The following OSBP2 variants were observed in gnomAD, a reference collection of about 807,000 sequenced individuals.
The protein encoded by OSBP2 is oxysterol-binding protein 2.
OSBP2 carries 66 observed loss-of-function variants against 96.0 expected under a neutral mutation model. That is an observed-to-expected ratio of 0.69 (90% CI 0.56 to 0.84). OSBP2 has a LOEUF of 0.84. Ranked by LOEUF, OSBP2 falls within the 40% of genes least tolerant of loss-of-function variation. The pLI is 0.00. For missense variants in OSBP2, 1,038 were observed against 1,222.7 expected, an observed-to-expected ratio of 0.85 and a Z score of 2.25; for synonymous variants, 525 against 520.9, an observed-to-expected ratio of 1.01 and a Z score of -0.11.
In OSBP2 at chr22:30,887,558, G is replaced by A. The variant is rs895865094; in HGVS notation, c.1240G>A (p.Glu414Lys). The A allele has an allele frequency of 5.0e-6, 8 of 1,613,036 alleles. No individual in the cohort carries two copies. Among genetic ancestry groups the A allele is most frequent in the African/African-American group, 2.7e-5 (2 of 74,910 alleles). ...GCTGGCGAAGCAGCACAACAGCCTC[G>A]AGCGGGCCTTCCACAGTGCCCCTGG... ...EQLAKQHNSL[E>K]RAFHSAPGRP... The change falls in exon 4 of 14, where the codon GAG (glutamate) becomes AAG (lysine). Residue 414 changes from glutamate to lysine, a missense_variant. Coordinates refer to ENST00000332585, the MANE Select transcript of OSBP2 (RefSeq NM_030758.4).
intron 1 of OSBP2, among the ~76,000 whole-genome samples, chr22:30,697,804 G>A (rs1032613009): frequency 6.6e-6 from 1 of 152,136 alleles, no homozygotes; most frequent in African/African-American, 2.4e-5. Flanking sequence ...TATAATGAAC[G>A]ATTCCTGACA....
intron 2 of OSBP2, among the ~76,000 whole-genome samples, chr22:30,825,082 A>G (rs1397010569): frequency 1.3e-5 from 2 of 152,222 alleles, no homozygotes; most frequent in Admixed American, 6.5e-5. Context: ...TAAGCATGTG[A>G]GGAGCCCTGG....
chr22:30,855,541 G>C (rs937490897), intron 2 of OSBP2, among the ~76,000 whole-genome samples: 8 of 152,182 alleles, frequency 5.3e-5, no homozygotes, highest in Non-Finnish European at 7.3e-5. Context: ...TGCTGCACAG[G>C]TCTCTGTCTT....
intron 8 of OSBP2, among the ~76,000 whole-genome samples, chr22:30,892,607 G>A (rs754547546): frequency 6.6e-6 from 1 of 152,126 alleles, no homozygotes. Flanking sequence ...AGCAAGGCAG[G>A]GGAGGGCCGG....
chr22:30,905,606 T>G (rs752333303), intron 12 of OSBP2, among the ~76,000 whole-genome samples: 10 of 152,174 alleles, frequency 6.6e-5, no homozygotes, highest in Non-Finnish European at 1.3e-4. Flanking sequence ...AGCGGCAGGT[T>G]GGCCATGTGA....
At chr22:30,756,307 C>G (rs1014948179) in intron 2 of OSBP2, among the ~76,000 whole-genome samples, 47 of 152,206 alleles carry the variant, frequency 3.1e-4, no homozygotes, top group Non-Finnish European at 8.8e-5. Context: ...AGGCACTAGA[C>G]AGGTTGGGCC....
chr22:30,770,496 A>G (rs1178524280), intron 2 of OSBP2: 1 of 152,238 alleles, frequency 6.6e-6, no homozygotes, highest in African/African-American at 2.4e-5. Flanking sequence ...TCTCCTTATT[A>G]GCAAGATGAG....
At chr22:30,902,994 C>A (rs773392441) in intron 12 of OSBP2, among the ~76,000 whole-genome samples, 1 of 152,090 alleles carries the variant, frequency 6.6e-6, no homozygotes, top group South Asian at 2.1e-4. Flanking sequence ...CCTGTTTGTG[C>A]GTTTTTTTCT....
rs987979628 is a variant in OSBP2, at chr22:30,881,908, G to A, written c.1108-5518G>A. ...AAAGGTCTTGGGTGCAGCCACATGA[G>A]GCCTTTGATATTAGGGCACAGCAGT... On this transcript the variant is annotated intron_variant, in intron 3 of 13. Coordinates refer to ENST00000332585, the MANE Select transcript of OSBP2 (RefSeq NM_030758.4). This position sits in a 1 kb window ranked among gnomAD's most constrained non-coding sequence, Gnocchi z 4.5. 3.3e-5 allele frequency: 33 copies of A among 1,010,502 alleles called. No individual in the cohort carries two copies. In the Admixed American group the frequency reaches 8.5e-4, roughly 26 times the overall value. The allele number at this position is 1,010,502 out of a possible 1,614,324, so 62.6% of individuals were successfully genotyped here.
intron 12 of OSBP2, chr22:30,902,140 C>CAAAAAAAAAAAAAAAA (rs1239083048): frequency 2.0e-4 from 53 of 258,560 alleles, no homozygotes; most frequent in Admixed American, 2.8e-4. Flanking sequence ...AAAAAAAAAC[C>CAAAAAAAAAAAAAAAA]AAAAAAAAAA....
Position 30,907,288 on chromosome 22 carries a change from G to A in OSBP2, c.*949G>A, listed in dbSNP as rs565636554. 6.6e-6 allele frequency: 1 copy of A among 152,404 alleles called. No homozygotes were observed. Among genetic ancestry groups the A allele is most frequent in the African/African-American group, 2.4e-5 (1 of 41,358 alleles). The allele number at this position is 152,404 out of a possible 1,614,324, so 9.4% of individuals were successfully genotyped here. On this transcript the variant is annotated 3_prime_UTR_variant, in exon 14 of 14. Coordinates refer to ENST00000332585, the MANE Select transcript of OSBP2 (RefSeq NM_030758.4). ...AGGCCCCTAGGGGTGCCCCATCTCA[G>A]TGTCCCCTGAACTCTTTATTTGCCT...
chr22:30,831,888 C>T (rs2038529958), intron 2 of OSBP2, among the ~76,000 whole-genome samples: 1 of 152,206 alleles, frequency 6.6e-6, no homozygotes, highest in African/African-American at 2.4e-5. Flanking sequence ...ACAGGAGAAC[C>T]TGTTAACCAC....
intron 1 of OSBP2, among the ~76,000 whole-genome samples, chr22:30,736,577 A>T (rs952221147): frequency 6.6e-6 from 1 of 152,210 alleles, no homozygotes; most frequent in African/African-American, 2.4e-5. Flanking sequence ...AATTGTTAAA[A>T]TTTTGAAATA....
chr22:30,905,203 T>C (rs1327006286), intron 12 of OSBP2, among the ~76,000 whole-genome samples: 1 of 132,028 alleles, frequency 7.6e-6, no homozygotes, highest in African/African-American at 2.8e-5. Flanking sequence ...TGGAGTGCAA[T>C]GGTGTGATCT....
chr22:30,779,114 C>CT, intron 2 of OSBP2, among the ~76,000 whole-genome samples: 1 of 151,056 alleles, frequency 6.6e-6, no homozygotes, highest in African/African-American at 2.4e-5. Context: ...CAGAATTTCG[C>CT]TTTTTTGCCC....
At chr22:30,839,762 G>A (rs1412089910) in intron 2 of OSBP2, among the ~76,000 whole-genome samples, 1 of 151,750 alleles carries the variant, frequency 6.6e-6, no homozygotes. Context: ...AGATGAGTAG[G>A]TTGCGAAAAT....
intron 1 of OSBP2, among the ~76,000 whole-genome samples, chr22:30,721,182 C>T (rs978453694): frequency 6.6e-6 from 1 of 152,078 alleles, no homozygotes; most frequent in African/African-American, 2.4e-5. Context: ...AGCTGATATG[C>T]ACCACTGCAC....
chr22:30,778,303 G>GCACACACACACACACA (rs34574171), intron 2 of OSBP2, among the ~76,000 whole-genome samples: 53 of 146,628 alleles, frequency 3.6e-4, no homozygotes, highest in African/African-American at 9.8e-4. Context: ...GTGTGCATGT[G>GCACACACACACACACA]CACACACACA....
intron 2 of OSBP2, among the ~76,000 whole-genome samples, chr22:30,827,318 C>T (rs868864766): frequency 3.3e-5 from 5 of 152,104 alleles, no homozygotes; most frequent in African/African-American, 1.2e-4. Flanking sequence ...TTATGTCTTC[C>T]CACACCGAGT....
Sources: gnomAD v4.1 joint callset for allele counts (sites outside exome capture counted in the v4.1 genomes callset) on GRCh38, gnomAD v4.1.1 for gene constraint, Gnocchi (gnomAD v3.1) non-coding constraint, MANE v1.5 for transcripts, NCBI Gene and HGNC (gene_info 2026-07-23, HGNC 2026-07-21) for gene names.